KCNH5: variants seen among roughly 807,000 people sequenced by gnomAD.
The protein encoded by KCNH5 is voltage-gated delayed rectifier potassium channel KCNH5.
KCNH5 carries 46 observed loss-of-function variants against 96.1 expected under a neutral mutation model. The ratio of observed to expected loss-of-function variants is 0.48; its 90% CI spans 0.38 to 0.61. The LOEUF (loss-of-function observed/expected upper bound fraction) is 0.61. Ranked by LOEUF, KCNH5 falls within the 20% of genes least tolerant of loss-of-function variation. The probability of loss-of-function intolerance (pLI) is 0.00; values close to 1 mark genes in which losing one functional copy is unlikely to be tolerated. For missense variants in KCNH5, 907 were observed against 1,225.8 expected (o/e 0.74, Z 3.88); for synonymous variants, 439 against 449.8 (o/e 0.98, Z 0.30).
At chr14:62,994,361 G>C (rs982581076) in intron 4 of KCNH5, among the ~76,000 whole-genome samples, 2 of 152,012 alleles carry the variant, frequency 1.3e-5, no homozygotes, top group African/African-American at 4.8e-5. Flanking sequence ...GGCAGTTTTG[G>C]AGTCTGTTTG....
At chr14:62,843,933 A>C (rs961194145) in intron 8 of KCNH5, among the ~76,000 whole-genome samples, 1 of 152,214 alleles carries the variant, frequency 6.6e-6, no homozygotes, top group Admixed American at 6.5e-5. Flanking sequence ...AAAAAAATAT[A>C]CAAAATTAAA....
chr14:63,038,434 C>T (rs143088705), intron 1 of KCNH5, among the ~76,000 whole-genome samples: 1,751 of 152,150 alleles, frequency 0.012, 14 homozygotes, highest in Middle Eastern at 0.017. Flanking sequence ...TCTCAAATTG[C>T]GTATCTTTTG....
At chr14:63,005,260 A>C (rs1891102795) in intron 3 of KCNH5, among the ~76,000 whole-genome samples, 2 of 152,252 alleles carry the variant, frequency 1.3e-5, no homozygotes, top group African/African-American at 4.8e-5. Flanking sequence ...TACTAAAAAC[A>C]AATGTTTCCA....
At chr14:63,023,009 G>A (rs1891457763) in intron 1 of KCNH5, among the ~76,000 whole-genome samples, 1 of 151,930 alleles carries the variant, frequency 6.6e-6, no homozygotes, top group South Asian at 2.1e-4. Flanking sequence ...ATCGAGGCCA[G>A]CCTAGCCAAC....
intron 7 of KCNH5, among the ~76,000 whole-genome samples, chr14:62,931,852 T>C (rs1420105968): frequency 6.6e-6 from 1 of 152,100 alleles, no homozygotes; most frequent in Non-Finnish European, 1.5e-5. Context: ...ATCCCTGCAA[T>C]GAAGGAAGAG....
chr14:63,045,328 CT>C lies in KCNH5; in HGVS notation c.-143del. Reference sequence around the variant, plus strand: ...GGCGCGGCGGCGGCGACGGGGTCCCCTGACTGTGTCTCCAGCCCGACCCGGA... The same window carrying C: ...GGCGCGGCGGCGGCGACGGGGTCCCCGACTGTGTCTCCAGCCCGACCCGGA... On this transcript the variant is annotated 5_prime_UTR_variant, in exon 1 of 11. Coordinates refer to ENST00000322893, the MANE Select transcript of KCNH5 (RefSeq NM_139318.5). 1.5e-6 allele frequency: 1 copy of C among 676,006 alleles called. No individual in the cohort carries two copies. The highest frequency in any genetic ancestry group is 2.6e-6 in the Non-Finnish European group (1 of 379,026). 41.9% of individuals were successfully genotyped at this position (676,006 alleles called of 1,614,324 possible). A position where few individuals can be genotyped will look rare whatever the true frequency, so the allele number is the denominator to read the frequency against.
intron 4 of KCNH5, among the ~76,000 whole-genome samples, chr14:62,990,740 T>C (rs369307207): frequency 2.0e-5 from 3 of 152,048 alleles, no homozygotes; most frequent in Admixed American, 6.6e-5. Flanking sequence ...CATGCTGCTA[T>C]AAAGAACTGC....
At chr14:62,988,014 T>C (rs950434405) in intron 4 of KCNH5, among the ~76,000 whole-genome samples, 5 of 152,162 alleles carry the variant, frequency 3.3e-5, no homozygotes, top group African/African-American at 9.7e-5. Context: ...ATTTTTGGAA[T>C]ATCTAGAATT....
At chr14:63,010,545 G>A (rs1891206027) in intron 2 of KCNH5, among the ~76,000 whole-genome samples, 3 of 152,186 alleles carry the variant, frequency 2.0e-5, no homozygotes, top group Non-Finnish European at 2.9e-5. Flanking sequence ...ACCTGCTCCT[G>A]TATAATCTGG....
intron 10 of KCNH5, among the ~76,000 whole-genome samples, chr14:62,755,405 T>C (rs1392218929): frequency 6.6e-6 from 1 of 152,140 alleles, no homozygotes; most frequent in East Asian, 1.9e-4. Context: ...CAAAACTTGA[T>C]AGACCAACAA....
intron 10 of KCNH5, among the ~76,000 whole-genome samples, chr14:62,725,363 T>G (rs1277633954): frequency 2.0e-5 from 3 of 152,242 alleles, no homozygotes; most frequent in African/African-American, 7.2e-5. Context: ...TATATTTCTG[T>G]AATTAGAGGT....
chr14:62,955,011 G>A (rs960387307), intron 6 of KCNH5, among the ~76,000 whole-genome samples: 9 of 151,896 alleles, frequency 5.9e-5, no homozygotes, highest in African/African-American at 1.7e-4. Context: ...AGATTTGGGT[G>A]GGGAAACAGC....
intron 9 of KCNH5, among the ~76,000 whole-genome samples, chr14:62,783,359 G>T (rs1238603683): frequency 6.6e-6 from 1 of 152,132 alleles, no homozygotes; most frequent in Non-Finnish European, 1.5e-5. Context: ...CACAGTTCTT[G>T]ATGGTACCAA....
At chr14:62,877,164 C>A (rs908729071) in intron 7 of KCNH5, among the ~76,000 whole-genome samples, 2 of 151,882 alleles carry the variant, frequency 1.3e-5, no homozygotes, top group Admixed American at 6.6e-5. Context: ...AAACTGGATC[C>A]CTTCCTTACA....
chr14:62,939,903 G>A (rs1889756065), intron 7 of KCNH5, among the ~76,000 whole-genome samples: 1 of 151,970 alleles, frequency 6.6e-6, no homozygotes, highest in Non-Finnish European at 1.5e-5. Flanking sequence ...TCACACCATT[G>A]CACTACAGTC....
intron 7 of KCNH5, among the ~76,000 whole-genome samples, chr14:62,915,659 T>C (rs1294688175): frequency 6.6e-6 from 1 of 152,200 alleles, no homozygotes; most frequent in East Asian, 1.9e-4. Context: ...AAAAATGCTA[T>C]TCCAATAAGC....
At chr14:62,739,086 T>C (rs578048646) in intron 10 of KCNH5, among the ~76,000 whole-genome samples, 234 of 152,258 alleles carry the variant, frequency 1.5e-3, no homozygotes, top group Non-Finnish European at 2.4e-3. Flanking sequence ...TATAATTAGA[T>C]TTTAAGGTAC....
At chr14:63,037,947 C>T (rs1270966379) in intron 1 of KCNH5, among the ~76,000 whole-genome samples, 1 of 152,100 alleles carries the variant, frequency 6.6e-6, no homozygotes, top group Non-Finnish European at 1.5e-5. Context: ...ATTAAATAGT[C>T]CAGCTTTCAA....
chr14:62,934,371 G>C (rs974104462), intron 7 of KCNH5, among the ~76,000 whole-genome samples: 1 of 152,168 alleles, frequency 6.6e-6, no homozygotes, highest in Non-Finnish European at 1.5e-5. Context: ...TCCTGACCTT[G>C]TGTTGCCCTC....
Sources: allele counts gnomAD v4.1 joint callset (sites outside exome capture counted in the v4.1 genomes callset), GRCh38; gene constraint gnomAD v4.1.1; transcripts MANE v1.5; gene names NCBI Gene and HGNC (gene_info 2026-07-23, HGNC 2026-07-21).